DNM2: variants seen among roughly 807,000 people sequenced by gnomAD.
DNM2 encodes dynamin 2.
Under a neutral mutation model 99.0 loss-of-function variants are expected in DNM2, and 15 were observed. The observed-to-expected ratio is 0.15, with a 90% CI of 0.10 to 0.23. The LOEUF (loss-of-function observed/expected upper bound fraction) is 0.23, where lower values mean the gene tolerates loss of function less well. Ranked by LOEUF, DNM2 falls within the 10% of genes least tolerant of loss-of-function variation. The probability of loss-of-function intolerance (pLI) is 1.00; values close to 1 mark genes in which losing one functional copy is unlikely to be tolerated. For missense variants in DNM2, 742 were observed against 1,189.4 expected (o/e 0.62, Z 5.53); for synonymous variants, 525 against 481.2 (o/e 1.09, Z -1.19).
intron 2 of DNM2, among the ~76,000 whole-genome samples, chr19:10,760,032 C>G (rs1344862645): frequency 1.3e-5 from 2 of 151,830 alleles, no homozygotes; most frequent in Non-Finnish European, 2.9e-5. Context: ...GCCATGTGTG[C>G]TTTCTTTTTT....
At chr19:10,761,909 C>A (rs1021632395) in intron 2 of DNM2, among the ~76,000 whole-genome samples, 1 of 152,252 alleles carries the variant, frequency 6.6e-6, no homozygotes, top group African/African-American at 2.4e-5. Flanking sequence ...GCTGCCACCT[C>A]TGGGTTCAGG....
At position 10,797,362 on chromosome 19, in the gene DNM2, G is replaced by C. The variant is rs200743425; in HGVS notation, c.1197-18G>C. ...CCTGGGTGTCTTTCTGCCTCATCCTGCCCTCCGCATGACCCAGGACGGGGC... is the reference window on the plus strand; with the variant it reads ...CCTGGGTGTCTTTCTGCCTCATCCTCCCCTCCGCATGACCCAGGACGGGGC... On this transcript the variant is annotated intron_variant, in intron 9 of 20. Transcript: ENST00000389253. 18 of 1,611,284 alleles carry C rather than the reference G, an allele frequency of 1.1e-5. No individual in the cohort carries two copies. The East Asian group carries it at 3.6e-4, about 32-fold the overall frequency.
chr19:10,793,751 A>G lies in DNM2; in HGVS notation c.1024A>G (p.Lys342Glu). 6.2e-7 allele frequency: 1 copy of G among 1,613,968 alleles called. No homozygotes were observed. The highest frequency in any genetic ancestry group is 8.5e-7 in the Non-Finnish European group (1 of 1,179,984). ...MVQQFGVDFE[K>E]RIEGSGDQVD... ...CCAGCAGTTTGGGGTGGATTTTGAG[A>G]AGAGGATCGAGGGCTCAGGAGATCA... The change falls in exon 8 of 21, where the codon AAG becomes GAG. Residue 342 changes from lysine to glutamate, a missense_variant. Around this residue, in one of 7 missense-constraint regions of DNM2, gnomAD observed 14 missense variants for 31.7 expected, o/e 0.44. Transcript: ENST00000389253.
chr19:10,828,993 G>T, intron 18 of DNM2, 43 bp from the exon 19 acceptor site: 2 of 1,581,744 alleles, frequency 1.3e-6, no homozygotes, highest in Non-Finnish European at 1.7e-6. Context: ...GTTCTGGGTT[G>T]GGGTGATACA....
At position 10,812,114 on chromosome 19, in the gene DNM2, A is replaced by G. The variant is rs768453614; in HGVS notation, c.1558-150A>G. The G allele has an allele frequency of 3.1e-6, 2 of 635,102 alleles. No individual in the cohort carries two copies. Among genetic ancestry groups the G allele is most frequent in the South Asian group, 3.0e-5 (2 of 66,546 alleles). 39.3% of individuals were successfully genotyped at this position (635,102 alleles called of 1,614,324 possible). Reference sequence around the variant, plus strand: ...GTTTCCTGCTGGAAATGCTTGGGACAGGGTGGAACTGGGTTTCCTGGGCTT... The same window carrying G: ...GTTTCCTGCTGGAAATGCTTGGGACGGGGTGGAACTGGGTTTCCTGGGCTT... On this transcript the variant is annotated intron_variant, in intron 14 of 20. Coordinates refer to ENST00000389253, the MANE Select transcript of DNM2 (RefSeq NM_001005361.3). This position sits in a 1 kb window ranked among gnomAD's most constrained non-coding sequence, Gnocchi z 4.0.
chr19:10,773,971 T>G (rs1014432586), intron 3 of DNM2, among the ~76,000 whole-genome samples: 73 of 152,204 alleles, frequency 4.8e-4, no homozygotes, highest in African/African-American at 1.7e-3. Flanking sequence ...AGACATCCTC[T>G]GGCCCAGAGG....
chr19:10,758,555 C>T (rs2070504168), intron 1 of DNM2, among the ~76,000 whole-genome samples: 1 of 130,302 alleles, frequency 7.7e-6, no homozygotes, highest in Non-Finnish European at 1.6e-5. Flanking sequence ...CCCTCCCTTC[C>T]CTTCTTTCCT....
At chr19:10,740,602 C>G (rs1250457389) in intron 1 of DNM2, among the ~76,000 whole-genome samples, 1 of 152,186 alleles carries the variant, frequency 6.6e-6, no homozygotes, top group Non-Finnish European at 1.5e-5. Flanking sequence ...TCTCAAACTC[C>G]TGACCTCAGG....
At position 10,796,100 on chromosome 19, in the gene DNM2, T is replaced by C; in HGVS notation, c.1196+661T>C. 1 of 1,614,054 alleles carries C rather than the reference T, an allele frequency of 6.2e-7. No individual in the cohort carries two copies. Among genetic ancestry groups the C allele is most frequent in the Non-Finnish European group, 8.5e-7 (1 of 1,180,006 alleles). On this transcript the variant is annotated intron_variant, in intron 9 of 20. Coordinates refer to ENST00000389253, the MANE Select transcript of DNM2 (RefSeq NM_001005361.3). This position sits in a 1 kb window ranked among gnomAD's most constrained non-coding sequence, Gnocchi z 5.6. ...CCCCGGACTTGGCATTCGAGGCCAT[T>C]GTGAAAAAGCAGGTCGTCAAGCTGA... is the stretch of plus-strand genomic sequence containing the variant.
intron 13 of DNM2, 87 bp from the exon 14 acceptor site, chr19:10,808,482 C>A (rs898841995): frequency 2.0e-6 from 3 of 1,463,810 alleles, no homozygotes; most frequent in East Asian, 4.7e-5. Flanking sequence ...CCTGCTTTTT[C>A]TTTGTCCCCT....
chr19:10,820,105 G>T lies in DNM2; in HGVS notation c.1781+16G>T, dbSNP rs752355749. ...CGGAGCAGAGGTGAGGGGCCCAGGG[G>T]CCTGGGGATGGCTCGGGGTGAAGAC... is the stretch of plus-strand genomic sequence containing the variant. On this transcript the variant is annotated intron_variant, in intron 16 of 20. Coordinates refer to ENST00000389253, the MANE Select transcript of DNM2 (RefSeq NM_001005361.3). The surrounding 1 kb of genome is among the most constrained non-coding windows in gnomAD (Gnocchi z 4.3). 6 of 1,613,394 alleles carry T rather than the reference G, an allele frequency of 3.7e-6. No individual in the cohort carries two copies. The highest frequency in any genetic ancestry group is 3.3e-5 in the Admixed American group (2 of 60,004).
At chr19:10,793,512 C>T (rs1169562031) in intron 7 of DNM2, among the ~76,000 whole-genome samples, 2 of 152,180 alleles carry the variant, frequency 1.3e-5, no homozygotes, top group South Asian at 2.1e-4. Flanking sequence ...GGTGAATAAT[C>T]GGAACAGGCT....
At chr19:10,729,183 A>AAT (rs2069217790) in intron 1 of DNM2, among the ~76,000 whole-genome samples, 6 of 143,584 alleles carry the variant, frequency 4.2e-5, no homozygotes, top group East Asian at 2.0e-4. Context: ...AAAAAAAAAA[A>AAT]AAAAAAATAT....
chr19:10,756,907 G>A (rs992751861), intron 1 of DNM2, among the ~76,000 whole-genome samples: 1 of 152,052 alleles, frequency 6.6e-6, no homozygotes, highest in Admixed American at 6.6e-5. Context: ...AACCACAGCG[G>A]TCACCCCCAC....
intron 1 of DNM2, among the ~76,000 whole-genome samples, chr19:10,737,325 A>C (rs1191561910): frequency 6.6e-6 from 1 of 151,732 alleles, no homozygotes; most frequent in Non-Finnish European, 1.5e-5. Context: ...GGCTCATTTC[A>C]TCAGCATTCT....
chr19:10,743,888 G>C (rs2069859737), intron 1 of DNM2, among the ~76,000 whole-genome samples: 1 of 150,848 alleles, frequency 6.6e-6, no homozygotes, highest in Non-Finnish European at 1.5e-5. Flanking sequence ...TTGGGAGGCT[G>C]AGGCAGCAGA....
intron 1 of DNM2, 193 bp from the exon 2 acceptor site, chr19:10,759,545 T>A (rs985532187): frequency 4.4e-6 from 3 of 680,662 alleles, no homozygotes; most frequent in Non-Finnish European, 5.3e-6. Context: ...TGACCTTCCA[T>A]GCATACCTTC....
Position 10,765,093 on chromosome 19 carries a change from G to C in DNM2, c.235+5282G>C, listed in dbSNP as rs1030154559. Among the ~76,000 whole-genome samples, 1 of 152,012 alleles carries C rather than the reference G, an allele frequency of 6.6e-6. No individual in the cohort carries two copies. Among genetic ancestry groups the C allele is most frequent in the African/African-American group, 2.4e-5 (1 of 41,396 alleles). ...CTGTCTCAGCCTCCGGCGTAGCTGG[G>C]ACTACAGGCGCCCGCCACCTCGCCC... On this transcript the variant is annotated intron_variant, in intron 2 of 20. Coordinates refer to ENST00000389253, the MANE Select transcript of DNM2 (RefSeq NM_001005361.3). The surrounding 1 kb of genome is among the most constrained non-coding windows in gnomAD (Gnocchi z 4.4).
intron 3 of DNM2, among the ~76,000 whole-genome samples, chr19:10,774,088 C>T (rs770543414): frequency 6.6e-6 from 1 of 152,206 alleles, no homozygotes; most frequent in African/African-American, 2.4e-5. Flanking sequence ...AAAGGTATAT[C>T]GCAAAAACCT....
Sources: allele counts gnomAD v4.1 joint callset (sites outside exome capture counted in the v4.1 genomes callset), GRCh38; gene constraint gnomAD v4.1.1; regional missense constraint gnomAD v4.1.1; non-coding constraint Gnocchi (gnomAD v3.1); transcripts MANE v1.5; gene names NCBI Gene and HGNC (gene_info 2026-07-23, HGNC 2026-07-21).